DHX15: variants seen among roughly 807,000 people sequenced by gnomAD.
DHX15 encodes the protein ATP-dependent RNA helicase DHX15.
In DHX15, 11 loss-of-function variants were observed where a neutral mutation model predicts 94.4. The observed-to-expected ratio is 0.12, with a 90% CI of 0.07 to 0.19. DHX15 has a LOEUF of 0.19. DHX15 is among the 10% of genes least tolerant of loss of function. The pLI is 1.00. For synonymous variants in DHX15, 338 were observed against 329.9 expected (o/e 1.02, Z -0.27); for missense variants, 304 against 988.5 (o/e 0.31, Z 9.29).
intron 3 of DHX15, among the ~76,000 whole-genome samples, chr4:24,566,652 T>A (rs1722000499): frequency 6.6e-6 from 1 of 151,860 alleles, no homozygotes; most frequent in Non-Finnish European, 1.5e-5. Context: ...ACGGTGAAAC[T>A]CTGTCTCTAC....
chr4:24,546,336 G>A lies in DHX15; in HGVS notation c.1248+2519C>T, dbSNP rs116197312. Among the ~76,000 whole-genome samples the A allele has an allele frequency of 8.6e-3, 1,304 of 152,184 alleles. 22 individuals carry two copies. Among genetic ancestry groups the A allele is most frequent in the African/African-American group, 0.029 (1,208 of 41,516 alleles). On this transcript the variant is annotated intron_variant, in intron 6 of 13. Transcript: ENST00000336812. ...AACCATATTAATCAGCGAAATGTAG[G>A]ATCAACTATAGAAAAGTCAGCTATT...
At chr4:24,552,460 T>TG (rs1721629601) in intron 5 of DHX15, among the ~76,000 whole-genome samples, 1 of 152,232 alleles carries the variant, frequency 6.6e-6, no homozygotes, top group Admixed American at 6.5e-5. Flanking sequence ...TTAACTCATG[T>TG]GACTACAGAA....
intron 6 of DHX15, among the ~76,000 whole-genome samples, chr4:24,546,461 C>A (rs1203274814): frequency 6.6e-6 from 1 of 152,096 alleles, no homozygotes. Flanking sequence ...AAGTCTCAGT[C>A]AAAAAATGCA....
intron 1 of DHX15, among the ~76,000 whole-genome samples, chr4:24,581,264 G>A (rs1722409793): frequency 6.6e-6 from 1 of 151,468 alleles, no homozygotes; most frequent in South Asian, 2.1e-4. Context: ...TCCTGACCTC[G>A]TGATCCACCC....
intron 4 of DHX15, 119 bp downstream of exon 4, chr4:24,556,132 T>C (rs1232461806): frequency 2.8e-6 from 2 of 722,136 alleles, no homozygotes; most frequent in African/African-American, 3.6e-5. Context: ...AGAAGGTACT[T>C]ACTAGTTCCT....
chr4:24,541,087 T>C (rs1577334937), intron 8 of DHX15, 139 bp from the exon 9 acceptor site: 2 of 515,540 alleles, frequency 3.9e-6, no homozygotes, highest in East Asian at 3.3e-5. Flanking sequence ...TAAATACTTG[T>C]AGGCTAGACT....
In DHX15 at chr4:24,537,640, C is replaced by T. The variant is rs766343201; in HGVS notation, c.1787-467G>A. 6.5e-6 allele frequency: 1 copy of T among 153,706 alleles called. No homozygotes were observed. The highest frequency in any genetic ancestry group is 1.4e-5 in the Non-Finnish European group (1 of 69,138). The allele number at this position is 153,706 out of a possible 1,614,324, so 9.5% of individuals were successfully genotyped here. A position where few individuals can be genotyped will look rare whatever the true frequency, so the allele number is the denominator to read the frequency against. On this transcript the variant is annotated intron_variant, in intron 10 of 13. Transcript: ENST00000336812. The surrounding 1 kb of genome is among the most constrained non-coding windows in gnomAD (Gnocchi z 4.7). ...AGCTAACAACAACTTTGAAACCAGT[C>T]TACTGCCATGTTTCTATCAGAATTT... is the stretch of plus-strand genomic sequence containing the variant.
rs373808856 is a variant in DHX15, at chr4:24,548,840, C to G, written c.1248+15G>C. On this transcript the variant is annotated intron_variant, in intron 6 of 13. Coordinates refer to ENST00000336812, the MANE Select transcript of DHX15 (RefSeq NM_001358.3). ...TTATTAGTGAAATATTTATAAAGAGCATTTCTAATGTTACCTTTCTTCCAA... is the reference window on the plus strand; with the variant it reads ...TTATTAGTGAAATATTTATAAAGAGGATTTCTAATGTTACCTTTCTTCCAA... The G allele has an allele frequency of 8.7e-6, 14 of 1,602,394 alleles. No homozygotes were observed. The African/African-American group carries it at 1.7e-4, about 20-fold the overall frequency.
chr4:24,570,692 A>T lies in DHX15; in HGVS notation c.663T>A (p.Ile221=). 6.2e-7 allele frequency: 1 copy of T among 1,614,148 alleles called. No individual in the cohort carries two copies. The highest frequency in any genetic ancestry group is 8.5e-7 in the Non-Finnish European group (1 of 1,180,024). ...TTGCACTACTGCAGTCTTCAAATCG[A>T]ATGGAGTAACCAACTTCCTGGCCCA... ...VMLGQEVGYS[I]RFEDCSSAKT... The change falls in exon 3 of 14, where the codon ATT becomes ATA. Residue 221 remains isoleucine (I), a synonymous_variant. Coordinates refer to ENST00000336812, the MANE Select transcript of DHX15 (RefSeq NM_001358.3).
intron 3 of DHX15, among the ~76,000 whole-genome samples, chr4:24,565,678 G>C (rs1158747194): frequency 6.6e-6 from 1 of 152,098 alleles, no homozygotes; most frequent in Non-Finnish European, 1.5e-5. Flanking sequence ...TTATTAAATT[G>C]GTTTTATTGA....
At chr4:24,555,146 AT>A (rs1344021019) in intron 4 of DHX15, among the ~76,000 whole-genome samples, 13 of 152,184 alleles carry the variant, frequency 8.5e-5, no homozygotes, top group African/African-American at 3.1e-4. Flanking sequence ...TAGAAAAAAA[AT>A]AAATGCACAA....
intron 13 of DHX15, among the ~76,000 whole-genome samples, chr4:24,528,610 A>G (rs749527135): frequency 6.6e-6 from 1 of 152,238 alleles, no homozygotes; most frequent in Non-Finnish European, 1.5e-5. Context: ...GCTGCACAAT[A>G]TAAAGCGGTG....
chr4:24,552,017 G>GT (rs1721618557), intron 5 of DHX15, among the ~76,000 whole-genome samples: 2 of 152,160 alleles, frequency 1.3e-5, no homozygotes, highest in South Asian at 4.1e-4. Context: ...AAGAAATCCC[G>GT]TAACACTTAA....
intron 2 of DHX15, among the ~76,000 whole-genome samples, chr4:24,572,929 A>C (rs1462053826): frequency 6.6e-6 from 1 of 151,946 alleles, no homozygotes; most frequent in Non-Finnish European, 1.5e-5. Context: ...TTTTTCTTTT[A>C]AGACGGAGTT....
chr4:24,574,213 A>G (rs1722191279), intron 2 of DHX15, among the ~76,000 whole-genome samples: 1 of 147,372 alleles, frequency 6.8e-6, no homozygotes, highest in South Asian at 2.1e-4. Context: ...CTCAAAAAAA[A>G]AAAAAAAAAA....
At chr4:24,582,935 CA>C (rs1160957557) in intron 1 of DHX15, among the ~76,000 whole-genome samples, 1 of 152,136 alleles carries the variant, frequency 6.6e-6, no homozygotes, top group Non-Finnish European at 1.5e-5. Context: ...AAATAACTCA[CA>C]AAATTAAAAT....
In DHX15 at chr4:24,537,384, G is replaced by C. The variant is rs940513892; in HGVS notation, c.1787-211C>G. On this transcript the variant is annotated intron_variant, in intron 10 of 13. Coordinates refer to ENST00000336812, the MANE Select transcript of DHX15 (RefSeq NM_001358.3). This position sits in a 1 kb window ranked among gnomAD's most constrained non-coding sequence, Gnocchi z 4.7. Reference sequence around the variant, plus strand: ...GACAAGAGGGTTTCAAAGCTACAGAGTACCTGATTATTTTAACTAGATCTA... The same window carrying C: ...GACAAGAGGGTTTCAAAGCTACAGACTACCTGATTATTTTAACTAGATCTA... The C allele has an allele frequency of 2.1e-6, 1 of 476,626 alleles. No homozygotes were observed. Among genetic ancestry groups the C allele is most frequent in the African/African-American group, 2.0e-5 (1 of 50,078 alleles). The allele number at this position is 476,626 out of a possible 1,614,324, so 29.5% of individuals were successfully genotyped here. A position where few individuals can be genotyped will look rare whatever the true frequency, so the allele number is the denominator to read the frequency against.
intron 4 of DHX15, 84 bp downstream of exon 4, chr4:24,556,167 T>C: frequency 3.7e-6 from 4 of 1,071,626 alleles, no homozygotes; most frequent in Non-Finnish European, 3.9e-6. Context: ...TTTCTTACAG[T>C]TGGTTATTGA....
chr4:24,529,937 G>T (rs1721038917), intron 12 of DHX15, 167 bp from the exon 13 acceptor site: 3 of 679,872 alleles, frequency 4.4e-6, no homozygotes, highest in Non-Finnish European at 7.5e-6. Flanking sequence ...TGCTGCCTGT[G>T]GGCCAAATCC....
Sources: allele counts gnomAD v4.1 joint callset (sites outside exome capture counted in the v4.1 genomes callset), GRCh38; gene constraint gnomAD v4.1.1; non-coding constraint Gnocchi (gnomAD v3.1); transcripts MANE v1.5; gene names NCBI Gene and HGNC (gene_info 2026-07-23, HGNC 2026-07-21).